LRRC4C: variants seen among roughly 807,000 people sequenced by gnomAD.
LRRC4C encodes the protein leucine rich repeat containing 4C, also known as leucine-rich repeat-containing protein 4C.
In LRRC4C, 5 loss-of-function variants were observed where a neutral mutation model predicts 33.6. The ratio of observed to expected loss-of-function variants is 0.15; its 90% CI spans 0.08 to 0.31. LRRC4C has a LOEUF of 0.31. LRRC4C is among the 10% of genes least tolerant of loss of function. The probability of loss-of-function intolerance (pLI) is 1.00; values close to 1 mark genes in which losing one functional copy is unlikely to be tolerated. For missense variants in LRRC4C, 560 were observed against 796.7 expected (o/e 0.70, Z 3.58); for synonymous variants, 329 against 302.0 (o/e 1.09, Z -0.93).
chr11:41,249,697 T>G (rs1237242125), intron 1 of LRRC4C, among the ~76,000 whole-genome samples: 1 of 152,168 alleles, frequency 6.6e-6, no homozygotes, highest in African/African-American at 2.4e-5. Flanking sequence ...TCTATGTGCT[T>G]TCATGAGGCT....
chr11:41,061,927 A>T (rs1303283921), intron 1 of LRRC4C, among the ~76,000 whole-genome samples: 1 of 152,194 alleles, frequency 6.6e-6, no homozygotes, highest in Non-Finnish European at 1.5e-5. Context: ...GCACATAGAA[A>T]GCAGTGTGAG....
chr11:40,905,611 A>G (rs544857751), intron 2 of LRRC4C, among the ~76,000 whole-genome samples: 1 of 152,288 alleles, frequency 6.6e-6, no homozygotes, highest in African/African-American at 2.4e-5. Context: ...ACATGCCTTG[A>G]AAGCAAGGCA....
intron 5 of LRRC4C, among the ~76,000 whole-genome samples, chr11:40,184,976 T>G (rs1466374823): frequency 6.6e-6 from 1 of 152,176 alleles, no homozygotes; most frequent in Non-Finnish European, 1.5e-5. Flanking sequence ...AAATAAGGTG[T>G]GCAAAGTGAG....
intron 1 of LRRC4C, among the ~76,000 whole-genome samples, chr11:41,327,935 C>T (rs1951173385): frequency 6.6e-6 from 1 of 152,092 alleles, no homozygotes; most frequent in South Asian, 2.1e-4. Flanking sequence ...TATAAATTAC[C>T]CAGTCTCAGG....
At chr11:40,951,375 T>A (rs1958682608) in intron 1 of LRRC4C, among the ~76,000 whole-genome samples, 1 of 151,908 alleles carries the variant, frequency 6.6e-6, no homozygotes, top group South Asian at 2.1e-4. Context: ...CCTGCTATTG[T>A]GCTTCTTAGT....
chr11:40,864,151 C>A (rs1954239217), intron 2 of LRRC4C, among the ~76,000 whole-genome samples: 1 of 152,284 alleles, frequency 6.6e-6, no homozygotes, highest in Non-Finnish European at 1.5e-5. Flanking sequence ...TCACTGCAAT[C>A]TCCACCTCCC....
intron 1 of LRRC4C, among the ~76,000 whole-genome samples, chr11:41,121,974 G>A: frequency 6.6e-6 from 1 of 152,052 alleles, no homozygotes; most frequent in East Asian, 1.9e-4. Context: ...CAAATGGTAG[G>A]GGAATGACAT....
At chr11:40,244,934 T>C (rs1866212521) in intron 4 of LRRC4C, among the ~76,000 whole-genome samples, 1 of 152,204 alleles carries the variant, frequency 6.6e-6, no homozygotes, top group Admixed American at 6.5e-5. Flanking sequence ...ACTGTATAAA[T>C]AGACTTTTTC....
rs544473392 is a variant in LRRC4C at position 40,615,614 on chromosome 11, A to G, written c.-270+32528T>C. ...GAGTGAAGTGTTCTCACAGCATTAAATAAATGTACTAAGTTAGAAAGGTGA... is the reference window on the plus strand; with the variant it reads ...GAGTGAAGTGTTCTCACAGCATTAAGTAAATGTACTAAGTTAGAAAGGTGA... On this transcript the variant is annotated intron_variant, in intron 3 of 6. Transcript: ENST00000528697. Among the ~76,000 whole-genome samples the G allele has an allele frequency of 2.3e-4, 35 of 151,822 alleles. 1 individual carries two copies. The highest frequency in any genetic ancestry group is 3.4e-3 in the Middle Eastern group (1 of 294).
At chr11:40,392,134 G>A (rs1431450711) in intron 3 of LRRC4C, among the ~76,000 whole-genome samples, 3 of 152,110 alleles carry the variant, frequency 2.0e-5, no homozygotes, top group Non-Finnish European at 1.5e-5. Context: ...AGGGGTTTGT[G>A]GGGATGAGGG....
chr11:40,183,810 G>T (rs1423668883), intron 5 of LRRC4C, among the ~76,000 whole-genome samples: 1 of 152,180 alleles, frequency 6.6e-6, no homozygotes, highest in Non-Finnish European at 1.5e-5. Flanking sequence ...TCCCTAGCCT[G>T]GGGCTAGATC....
intron 3 of LRRC4C, among the ~76,000 whole-genome samples, chr11:40,476,534 C>T (rs1307579809): frequency 1.3e-5 from 2 of 151,558 alleles, no homozygotes; most frequent in Admixed American, 6.6e-5. Context: ...TTACTAGAGA[C>T]AGGTTTTCAC....
At chr11:41,244,435 G>A (rs923195798) in intron 1 of LRRC4C, among the ~76,000 whole-genome samples, 4 of 152,072 alleles carry the variant, frequency 2.6e-5, no homozygotes, top group African/African-American at 9.7e-5. Context: ...CAACAATTTC[G>A]GATAAAGTCA....
chr11:40,184,661 G>T lies in LRRC4C; in HGVS notation c.-95-43808C>A, dbSNP rs1257786179. On this transcript the variant is annotated intron_variant, in intron 5 of 6. Transcript: ENST00000528697. ...AGTGTTAAGAAAGAAGTCAATCTCGGCTGCTGTCAGAATTTCACTAAAAAA... is the reference window on the plus strand; with the variant it reads ...AGTGTTAAGAAAGAAGTCAATCTCGTCTGCTGTCAGAATTTCACTAAAAAA... Among the ~76,000 whole-genome samples the T allele has an allele frequency of 2.6e-5, 4 of 152,262 alleles. No homozygotes were observed. The East Asian group carries it at 7.7e-4, about 29-fold the overall frequency.
intron 2 of LRRC4C, among the ~76,000 whole-genome samples, chr11:40,694,258 A>G (rs1203776534): frequency 2.0e-5 from 3 of 152,184 alleles, no homozygotes; most frequent in Non-Finnish European, 4.4e-5. Context: ...GTCTGGAACC[A>G]CTGAGGAGAA....
chr11:40,580,227 G>A (rs1958409465), intron 3 of LRRC4C, among the ~76,000 whole-genome samples: 1 of 152,086 alleles, frequency 6.6e-6, no homozygotes, highest in Non-Finnish European at 1.5e-5. Flanking sequence ...GGCTGGGGAG[G>A]CCTCAGGAAA....
chr11:41,001,166 C>T (rs1300482743), intron 1 of LRRC4C, among the ~76,000 whole-genome samples: 1 of 152,078 alleles, frequency 6.6e-6, no homozygotes, highest in Non-Finnish European at 1.5e-5. Context: ...AATATTGACA[C>T]TCTGAGGTGC....
At chr11:40,816,943 C>G (rs534865794) in intron 2 of LRRC4C, among the ~76,000 whole-genome samples, 1 of 152,036 alleles carries the variant, frequency 6.6e-6, no homozygotes, top group South Asian at 2.1e-4. Flanking sequence ...ATATCTATAA[C>G]GTAAAGACAG....
intron 3 of LRRC4C, among the ~76,000 whole-genome samples, chr11:40,331,421 A>G (rs1379617561): frequency 6.6e-6 from 1 of 152,238 alleles, no homozygotes; most frequent in African/African-American, 2.4e-5. Flanking sequence ...CCATCAGCAG[A>G]TGAATGAATG....
Sources: allele counts gnomAD v4.1 joint callset (sites outside exome capture counted in the v4.1 genomes callset), GRCh38; gene constraint gnomAD v4.1.1; transcripts MANE v1.5; gene names NCBI Gene and HGNC (gene_info 2026-07-23, HGNC 2026-07-21).